Variants in S100Z observed in about 807,000 individuals in gnomAD.
S100Z encodes protein S100-Z.
S100Z carries 11 observed loss-of-function variants against 8.5 expected under a neutral mutation model. The observed-to-expected ratio is 1.30, with a 90% CI of 0.82 to 2.15. S100Z has a LOEUF of 2.15. Among genes scored for constraint, S100Z ranks in the 30% most tolerant of loss-of-function variants. The pLI, the probability that S100Z is intolerant of heterozygous loss-of-function variation, is 0.00. For synonymous variants in S100Z, 34 were observed against 43.8 expected (o/e 0.78, Z 0.89); for missense variants, 126 against 117.9 (o/e 1.07, Z -0.32).
chr5:76,895,374 C>G (rs1455951948), intron 4 of S100Z, among the ~76,000 whole-genome samples: 1 of 151,946 alleles, frequency 6.6e-6, no homozygotes, highest in East Asian at 1.9e-4. Flanking sequence ...GGAGTTATTG[C>G]CAAACATCCC....
intron 2 of S100Z, among the ~76,000 whole-genome samples, chr5:76,872,526 T>G (rs1743047950): frequency 6.6e-6 from 1 of 151,450 alleles, no homozygotes; most frequent in African/African-American, 2.4e-5. Context: ...TCAGGCATGA[T>G]AACATGTGCC....
chr5:76,885,306 GAAA>G, intron 4 of S100Z, among the ~76,000 whole-genome samples: 1 of 151,384 alleles, frequency 6.6e-6, no homozygotes, highest in South Asian at 2.1e-4. Context: ...TGCCCCCCAG[GAAA>G]GTGGAGAAGG....
At chr5:76,909,466 A>C (rs558832567) in intron 4 of S100Z, among the ~76,000 whole-genome samples, 8 of 152,246 alleles carry the variant, frequency 5.3e-5, no homozygotes, top group African/African-American at 1.9e-4. Context: ...GAAATACCTT[A>C]TGTCCAAGCT....
At chr5:76,902,611 G>C (rs985286488) in intron 4 of S100Z, among the ~76,000 whole-genome samples, 1 of 150,866 alleles carries the variant, frequency 6.6e-6, no homozygotes, top group Non-Finnish European at 1.5e-5. Context: ...CCTGATTTTT[G>C]GTTCTTATGA....
intron 4 of S100Z, among the ~76,000 whole-genome samples, chr5:76,914,198 C>T (rs1374386720): frequency 3.3e-5 from 5 of 152,094 alleles, no homozygotes; most frequent in African/African-American, 1.2e-4. Context: ...CAGGAAGTAG[C>T]TAAAGCGGTC....
intron 4 of S100Z, among the ~76,000 whole-genome samples, chr5:76,885,884 AAG>A (rs1445346944): frequency 2.2e-5 from 3 of 135,840 alleles, no homozygotes; most frequent in Admixed American, 7.3e-5. Context: ...GTGGAGAGAA[AAG>A]AGAGAGTAGA....
At chr5:76,917,399 T>A (rs1744887600) in intron 4 of S100Z, among the ~76,000 whole-genome samples, 1 of 152,212 alleles carries the variant, frequency 6.6e-6, no homozygotes, top group Non-Finnish European at 1.5e-5. Context: ...TTGGTATTAC[T>A]GACATTGCTA....
At chr5:76,876,254 C>T (rs1743189374) in intron 3 of S100Z, among the ~76,000 whole-genome samples, 1 of 152,066 alleles carries the variant, frequency 6.6e-6, no homozygotes, top group Non-Finnish European at 1.5e-5. Flanking sequence ...TTCTCCCCAC[C>T]CTCTATTTGG....
intron 1 of S100Z, among the ~76,000 whole-genome samples, chr5:76,868,403 C>T (rs933755182): frequency 6.6e-6 from 1 of 152,152 alleles, no homozygotes; most frequent in Non-Finnish European, 1.5e-5. Flanking sequence ...ACATTTTCAT[C>T]TCTTGAATCA....
At chr5:76,891,745 A>G (rs1743866204) in intron 4 of S100Z, among the ~76,000 whole-genome samples, 1 of 152,128 alleles carries the variant, frequency 6.6e-6, no homozygotes, top group African/African-American at 2.4e-5. Context: ...CAACACAAGA[A>G]CAGTAGATAG....
rs76645533 is a variant in S100Z at position 76,850,707 on chromosome 5, G to A, written c.-176+552G>A. 8.1e-3 allele frequency among the ~76,000 whole-genome samples: 1,237 copies of A among 152,328 alleles called. 9 individuals are homozygous for A. Among genetic ancestry groups the A allele is most frequent in the Non-Finnish European group, 0.014 (939 of 68,018 alleles). ...GGGCATGCCTGGACAATCAGCCCTG[G>A]AATGGCTGCTCTCAGCCTACAGAAG... On this transcript the variant is annotated intron_variant, in intron 1 of 4. Transcript: ENST00000317593.
intron 1 of S100Z, among the ~76,000 whole-genome samples, chr5:76,851,672 C>A (rs759920308): frequency 6.6e-6 from 1 of 152,108 alleles, no homozygotes; most frequent in African/African-American, 2.4e-5. Context: ...AATCAGTTTG[C>A]TGTGGTTTGG....
intron 2 of S100Z, among the ~76,000 whole-genome samples, chr5:76,870,628 CA>C (rs1742975970): frequency 6.6e-6 from 1 of 151,686 alleles, no homozygotes; most frequent in Non-Finnish European, 1.5e-5. Context: ...CTTTAGTGGA[CA>C]GTCCGAATTG....
At chr5:76,930,631 T>C in the S100Z span, among the ~76,000 whole-genome samples, 2 of 152,176 alleles carry the variant, frequency 1.3e-5, no homozygotes, top group Non-Finnish European at 2.9e-5. Flanking sequence ...ATCACTCGAC[T>C]CTGAAAATTC....
chr5:76,863,024 A>G (rs534522837), intron 1 of S100Z, among the ~76,000 whole-genome samples: 1 of 152,306 alleles, frequency 6.6e-6, no homozygotes, highest in East Asian at 1.9e-4. Context: ...GAACCTGGAC[A>G]ACTCACAGTC....
chr5:76,945,511 A>G, the S100Z span, among the ~76,000 whole-genome samples: 15 of 152,364 alleles, frequency 9.8e-5, no homozygotes, highest in African/African-American at 3.4e-4. Flanking sequence ...CTATTCTGAG[A>G]TAGGAGAAAA....
At chr5:76,937,714 C>T in the S100Z span, among the ~76,000 whole-genome samples, 5 of 140,740 alleles carry the variant, frequency 3.6e-5, no homozygotes, top group Admixed American at 2.4e-4. Flanking sequence ...GATTGCGCAA[C>T]TGCACTCCAG....
Position 76,851,120 on chromosome 5 carries a change from G to A in S100Z, c.-176+965G>A, listed in dbSNP as rs192056995. Among the ~76,000 whole-genome samples, 190 of 152,328 alleles carry A rather than the reference G, an allele frequency of 1.2e-3. 1 individual carries two copies. The highest frequency in any genetic ancestry group is 3.7e-3 in the South Asian group (18 of 4,822). On this transcript the variant is annotated intron_variant, in intron 1 of 4. Transcript: ENST00000317593. ...TAGAGGAAAGCATGAGGTGATACAG[G>A]GGCACCCAGAGGCGGAGTGCTCCCA...
At chr5:76,889,471 C>T (rs1451659023) in intron 4 of S100Z, among the ~76,000 whole-genome samples, 2 of 152,186 alleles carry the variant, frequency 1.3e-5, no homozygotes, top group African/African-American at 4.8e-5. Context: ...TTAAGCTTTT[C>T]ATTTTAATTT....
Sources: allele counts gnomAD v4.1 joint callset (sites outside exome capture counted in the v4.1 genomes callset), GRCh38; gene constraint gnomAD v4.1.1; transcripts MANE v1.5; gene names NCBI Gene and HGNC (gene_info 2026-07-23, HGNC 2026-07-21).